CYTH1: variants seen among roughly 807,000 people sequenced by gnomAD.
CYTH1 encodes the protein cytohesin 1.
Under a neutral mutation model 61.8 loss-of-function variants are expected in CYTH1, and 18 were observed. That is an observed-to-expected ratio of 0.29 (90% confidence interval 0.20 to 0.43). CYTH1 has a LOEUF of 0.43. Among genes scored for constraint, CYTH1 ranks in the 20% least tolerant of loss-of-function variants. The pLI, the probability that CYTH1 is intolerant of heterozygous loss-of-function variation, is 1.00. For missense variants in CYTH1, 336 were observed against 510.5 expected, an observed-to-expected ratio of 0.66 and a Z score of 3.29; for synonymous variants, 174 against 184.3, an observed-to-expected ratio of 0.94 and a Z score of 0.45.
chr17:78,753,991 C>A (rs58236221), intron 1 of CYTH1, among the ~76,000 whole-genome samples: 2 of 152,164 alleles, frequency 1.3e-5, no homozygotes, highest in South Asian at 2.1e-4. Context: ...ATCAATCCAG[C>A]GTACTGCAAA....
chr17:78,776,621 T>C (rs1284146158), intron 1 of CYTH1, among the ~76,000 whole-genome samples: 1 of 139,288 alleles, frequency 7.2e-6, no homozygotes, highest in African/African-American at 2.7e-5. Context: ...ATCGTGCCAC[T>C]GGACTCCAGG....
At chr17:78,748,893 A>G (rs965295484) in intron 1 of CYTH1, among the ~76,000 whole-genome samples, 4 of 152,116 alleles carry the variant, frequency 2.6e-5, no homozygotes, top group Admixed American at 2.6e-4. Context: ...AAGTTACAAA[A>G]TTGGTGTACT....
At chr17:78,757,048 C>T (rs747303758) in intron 1 of CYTH1, among the ~76,000 whole-genome samples, 3 of 144,808 alleles carry the variant, frequency 2.1e-5, no homozygotes, top group Non-Finnish European at 4.5e-5. Flanking sequence ...CCTGGGTTCA[C>T]GCCATTCTCC....
At chr17:78,767,189 C>T (rs766999973) in intron 1 of CYTH1, among the ~76,000 whole-genome samples, 2 of 152,130 alleles carry the variant, frequency 1.3e-5, no homozygotes, top group Non-Finnish European at 2.9e-5. Flanking sequence ...ACGTCTCAGC[C>T]GGGCATGGTG....
chr17:78,709,334 C>G (rs1043155358), intron 2 of CYTH1: 44 of 271,636 alleles, frequency 1.6e-4, no homozygotes, highest in Non-Finnish European at 3.0e-4. Flanking sequence ...ATTGCCTCTC[C>G]TCATCCACTC....
chr17:78,680,092 A>G (rs543372652), intron 13 of CYTH1, 98 bp downstream of exon 13: 2 of 1,482,150 alleles, frequency 1.3e-6, no homozygotes, highest in South Asian at 2.6e-5. Context: ...GGAGCACAGA[A>G]GAGATGCGGG....
intron 1 of CYTH1, among the ~76,000 whole-genome samples, chr17:78,780,228 CA>C (rs1420307807): frequency 6.6e-6 from 1 of 152,152 alleles, no homozygotes; most frequent in Non-Finnish European, 1.5e-5. Context: ...CTTTTAATCA[CA>C]AAAGGAGGCT....
At chr17:78,746,597 G>T (rs1395532043) in intron 1 of CYTH1, among the ~76,000 whole-genome samples, 1 of 152,060 alleles carries the variant, frequency 6.6e-6, no homozygotes. Context: ...TTAGAATGCC[G>T]ACTCTCCCAT....
intron 1 of CYTH1, among the ~76,000 whole-genome samples, chr17:78,759,489 G>A (rs1312681984): frequency 5.9e-5 from 9 of 152,160 alleles, no homozygotes; most frequent in Non-Finnish European, 7.3e-5. Context: ...CTCTTAAAAG[G>A]AACAAAACAG....
At chr17:78,730,072 A>C (rs942836710) in intron 1 of CYTH1, among the ~76,000 whole-genome samples, 4 of 152,110 alleles carry the variant, frequency 2.6e-5, no homozygotes, top group African/African-American at 9.7e-5. Context: ...ACATCCTTGG[A>C]TTCTGTTTTA....
At chr17:78,761,256 A>G (rs1019662359) in intron 1 of CYTH1, among the ~76,000 whole-genome samples, 1 of 152,168 alleles carries the variant, frequency 6.6e-6, no homozygotes, top group African/African-American at 2.4e-5. Context: ...TTGTTTTCAG[A>G]TTTCAAGTTT....
intron 10 of CYTH1, among the ~76,000 whole-genome samples, chr17:78,694,535 G>A (rs1371121071): frequency 6.6e-6 from 1 of 152,190 alleles, no homozygotes; most frequent in Admixed American, 6.5e-5. Flanking sequence ...AAGCCAATTT[G>A]TTCTTAAAAA....
At chr17:78,750,780 C>T (rs554121045) in intron 1 of CYTH1, among the ~76,000 whole-genome samples, 24 of 145,506 alleles carry the variant, frequency 1.6e-4, no homozygotes, top group African/African-American at 5.6e-4. Context: ...CCAGACTGGG[C>T]GAGAGAGCGA....
chr17:78,692,418 G>A lies in CYTH1; in HGVS notation c.890C>T (p.Thr297Met). 6.2e-7 allele frequency: 1 copy of A among 1,614,110 alleles called. No homozygotes were observed. The highest frequency in any genetic ancestry group is 1.1e-5 in the South Asian group (1 of 91,084). ...DNCLYYFEYT[T>M]DKEPRGIIPL... ...GGAGGCCGACTAGCAGGTGCTCACC[G>A]TGGTATACTCAAAGTAGTAAAGGCA... Residue 297 changes from threonine (T) to methionine (M), a missense_variant and splice_region_variant, in exon 11 of 14, where the codon ACG (threonine) becomes ATG (methionine). Physicochemically the swap from Thr to Met is moderately conservative, Grantham distance 81 (BLOSUM62 -1). This residue lies in a region of CYTH1 where 16 missense variants were observed against 57.9 expected (regional missense o/e 0.28). Coordinates refer to ENST00000446868, the MANE Select transcript of CYTH1 (RefSeq NM_004762.6).
chr17:78,706,373 T>A (rs1053779748), intron 3 of CYTH1, among the ~76,000 whole-genome samples: 7 of 146,850 alleles, frequency 4.8e-5, no homozygotes, highest in African/African-American at 1.8e-4. Flanking sequence ...TTAGTTTGCA[T>A]GTTCTAGATG....
chr17:78,765,957 G>A (rs62075585), intron 1 of CYTH1, among the ~76,000 whole-genome samples: 61,688 of 151,728 alleles, frequency 0.41, 15,096 homozygotes, highest in Non-Finnish European at 0.54. Context: ...ATGAGGCCCT[G>A]TCAAAAACCA....
intron 1 of CYTH1, among the ~76,000 whole-genome samples, chr17:78,770,785 T>C (rs1458141035): frequency 6.6e-6 from 1 of 152,142 alleles, no homozygotes; most frequent in Non-Finnish European, 1.5e-5. Context: ...GATTTAACAA[T>C]GCCAGGTAAG....
intron 1 of CYTH1, among the ~76,000 whole-genome samples, chr17:78,722,907 G>A (rs759657521): frequency 3.3e-5 from 5 of 152,086 alleles, no homozygotes; most frequent in Non-Finnish European, 7.4e-5. Flanking sequence ...AATCTGTCCC[G>A]CTGTTTTCTG....
intron 3 of CYTH1, 48 bp from the exon 4 acceptor site, chr17:78,702,652 A>G: frequency 6.4e-7 from 1 of 1,566,018 alleles, no homozygotes; most frequent in Non-Finnish European, 8.8e-7. Context: ...GCCATCGGAA[A>G]GGCTTGAAAG....
Sources: allele counts gnomAD v4.1 joint callset (sites outside exome capture counted in the v4.1 genomes callset), GRCh38; gene constraint gnomAD v4.1.1; regional missense constraint gnomAD v4.1.1; transcripts MANE v1.5; gene names NCBI Gene and HGNC (gene_info 2026-07-23, HGNC 2026-07-21).